RYR2: variants seen among roughly 807,000 people sequenced by gnomAD.
RYR2 encodes the protein ryanodine receptor 2.
A neutral mutation model predicts 601.1 loss-of-function variants in RYR2; 227 were observed. The ratio of observed to expected loss-of-function variants is 0.38; its 90% CI spans 0.34 to 0.42. The LOEUF is 0.42. Ranked by LOEUF, RYR2 falls within the 10% of genes least tolerant of loss-of-function variation. The pLI, the probability that RYR2 is intolerant of heterozygous loss-of-function variation, is 1.00. For synonymous variants in RYR2, 2,223 were observed against 2,175.1 expected (o/e 1.02, Z -0.61); for missense variants, 4,646 against 6,156.5 (o/e 0.75, Z 8.21).
intron 48 of RYR2, among the ~76,000 whole-genome samples, chr1:237,645,907 C>T (rs1682081141): frequency 6.8e-6 from 1 of 146,752 alleles, no homozygotes; most frequent in Non-Finnish European, 1.5e-5. Flanking sequence ...GACGGAGTCT[C>T]ACTCTGTCGC....
rs772650724 is a variant in RYR2, at chr1:237,502,833, T to TA, written c.2397-443dup. ...TGACCAAGAAAGTGAAAAAAGAATC[T>TA]AAAAAAAAAAAAAGAAAAGAAAAGT... On this transcript the variant is annotated intron_variant, in intron 21 of 104. Transcript: ENST00000366574. Among the ~76,000 whole-genome samples, 876 of 137,202 alleles carry TA rather than the reference T, an allele frequency of 6.4e-3. 7 individuals carry two copies. Among genetic ancestry groups the TA allele is most frequent in the Middle Eastern group, 0.037 (10 of 270 alleles). The allele number at this position is 137,202 out of a possible 152,430, so 90.0% of individuals were successfully genotyped here.
chr1:237,765,315 T>C (rs1693762956), intron 84 of RYR2, among the ~76,000 whole-genome samples: 1 of 118,250 alleles, frequency 8.5e-6, no homozygotes, highest in Non-Finnish European at 1.7e-5. Flanking sequence ...CAGAAGATAC[T>C]GAATTTTTTT....
intron 103 of RYR2, among the ~76,000 whole-genome samples, chr1:237,830,972 T>C (rs558662215): frequency 6.6e-6 from 1 of 152,264 alleles, no homozygotes; most frequent in South Asian, 2.1e-4. Flanking sequence ...TTTTTCTTCT[T>C]ACAGATCTTA....
intron 45 of RYR2, 107 bp downstream of exon 45, chr1:237,638,599 C>G (rs1354121916): frequency 1.6e-6 from 2 of 1,225,234 alleles, no homozygotes; most frequent in Middle Eastern, 2.2e-4. Flanking sequence ...GTAAAGAAAT[C>G]ACATATTTTA....
rs756970130 is a variant in RYR2, at chr1:237,708,859, G to A, written c.9903G>A (p.Val3301=). The change falls in exon 69 of 105, where the codon GTG becomes GTA. Residue 3301 remains valine, a splice_region_variant and synonymous_variant. Transcript: ENST00000366574. The stretch of plus-strand genomic sequence containing the variant: ...ATACTAATGTCTGTCTTTAAACAGT[G>A]TTTTCCCAGCCTATAATAAATAAAG... ...DEGAWMKRLA[V]FSQPIINKVK... is the part of the protein sequence containing the mutation. 1.2e-6 allele frequency: 2 copies of A among 1,608,408 alleles called. No homozygotes were observed. Among genetic ancestry groups the A allele is most frequent in the African/African-American group, 2.7e-5 (2 of 74,812 alleles).
chr1:237,150,943 T>A (rs1189525080), intron 1 of RYR2, among the ~76,000 whole-genome samples: 1 of 152,114 alleles, frequency 6.6e-6, no homozygotes. Flanking sequence ...GTGGTTTTAG[T>A]TTTACTTGGA....
At chr1:237,465,090 GCACACACACA>G (rs10610645) in intron 16 of RYR2, among the ~76,000 whole-genome samples, 2 of 150,226 alleles carry the variant, frequency 1.3e-5, no homozygotes, top group East Asian at 2.0e-4. Context: ...ACACACACAT[GCACACACACA>G]CACACACACA....
At chr1:237,657,080 G>A (rs1292319486) in intron 53 of RYR2, among the ~76,000 whole-genome samples, 1 of 152,124 alleles carries the variant, frequency 6.6e-6, no homozygotes, top group South Asian at 2.1e-4. Flanking sequence ...TAATAAGTGT[G>A]GGCATGGATA....
At chr1:237,647,901 A>G (rs931279004) in intron 48 of RYR2, among the ~76,000 whole-genome samples, 18 of 152,260 alleles carry the variant, frequency 1.2e-4, no homozygotes, top group African/African-American at 3.4e-4. Flanking sequence ...AGAGAAAGCA[A>G]TATGACCCTT....
chr1:237,354,694 G>A (rs1389989390), intron 3 of RYR2, among the ~76,000 whole-genome samples: 2 of 152,038 alleles, frequency 1.3e-5, no homozygotes, highest in African/African-American at 4.8e-5. Flanking sequence ...TTTAAAAGGA[G>A]ATCTTCAGCT....
chr1:237,372,621 A>G (rs1700727731), intron 6 of RYR2, among the ~76,000 whole-genome samples: 2 of 152,234 alleles, frequency 1.3e-5, no homozygotes, highest in Admixed American at 1.3e-4. Context: ...AATGAAAACA[A>G]TTCCACATTC....
intron 58 of RYR2, among the ~76,000 whole-genome samples, chr1:237,670,208 AG>A (rs1684792410): frequency 6.6e-6 from 1 of 151,314 alleles, no homozygotes; most frequent in African/African-American, 2.4e-5. Flanking sequence ...AGAATCAGGC[AG>A]GGAGGTTGCA....
At chr1:237,459,096 G>A (rs1659175231) in intron 16 of RYR2, among the ~76,000 whole-genome samples, 1 of 152,200 alleles carries the variant, frequency 6.6e-6, no homozygotes, top group South Asian at 2.1e-4. Flanking sequence ...TCTAATGACT[G>A]CATTTCTTTG....
At chr1:237,474,313 A>T (rs1006370232) in intron 17 of RYR2, among the ~76,000 whole-genome samples, 1 of 149,898 alleles carries the variant, frequency 6.7e-6, no homozygotes, top group Non-Finnish European at 1.5e-5. Context: ...ACACACATAC[A>T]TACATATGTA....
At chr1:237,476,509 C>CAA (rs56116691) in intron 17 of RYR2, among the ~76,000 whole-genome samples, 62 of 70,204 alleles carry the variant, frequency 8.8e-4, no homozygotes, top group Non-Finnish European at 1.3e-3. Context: ...GACTCTGTCT[C>CAA]AAAAAAAAAA....
rs1657881375 is a variant in RYR2, at chr1:237,788,117, A to T, written c.13458A>T (p.Ala4486=). 1 of 1,610,890 alleles carries T rather than the reference A, an allele frequency of 6.2e-7. No individual in the cohort carries two copies. The highest frequency in any genetic ancestry group is 1.1e-5 in the South Asian group (1 of 90,426). The change falls in exon 92 of 105, where the codon GCA becomes GCT. Residue 4486 remains alanine, a synonymous_variant. Transcript: ENST00000366574. The stretch of plus-strand genomic sequence containing the variant: ...CAGCATTCTGGAAGAAAATCATAGC[A>T]TATCAACAGAAACTTCTAGTAAGAT... The part of the protein sequence containing the change: ...PESAFWKKII[A]YQQKLLNYFA...
intron 43 of RYR2, 86 bp from the exon 44 acceptor site, chr1:237,634,803 A>C (rs932653925): frequency 4.1e-6 from 4 of 977,048 alleles, no homozygotes; most frequent in Non-Finnish European, 6.3e-6. Flanking sequence ...TTTAGAAATT[A>C]AATTTTAAGA....
At chr1:237,062,760 G>C (rs1466224153) in intron 1 of RYR2, among the ~76,000 whole-genome samples, 2 of 152,076 alleles carry the variant, frequency 1.3e-5, no homozygotes, top group African/African-American at 4.8e-5. Flanking sequence ...AGACATGATA[G>C]CAGATCTTTG....
intron 80 of RYR2, among the ~76,000 whole-genome samples, chr1:237,742,997 T>A (rs541893831): frequency 4.6e-5 from 7 of 152,394 alleles, no homozygotes; most frequent in Non-Finnish European, 8.8e-5. Context: ...TACTGTACTT[T>A]CGTTTTTTAT....
Sources: gnomAD v4.1 joint callset for allele counts (sites outside exome capture counted in the v4.1 genomes callset) on GRCh38, gnomAD v4.1.1 for gene constraint, MANE v1.5 for transcripts, NCBI Gene and HGNC (gene_info 2026-07-23, HGNC 2026-07-21) for gene names.